Variants in CNTNAP5 observed in about 807,000 individuals in gnomAD.
The protein encoded by CNTNAP5 is contactin associated protein family member 5.
In CNTNAP5, 72 loss-of-function variants were observed where a neutral mutation model predicts 150.2. The ratio of observed to expected loss-of-function variants is 0.48; its 90% CI spans 0.40 to 0.58. CNTNAP5 has a LOEUF of 0.58. Ranked by LOEUF, CNTNAP5 falls within the 20% of genes least tolerant of loss-of-function variation. The pLI, the probability that CNTNAP5 is intolerant of heterozygous loss-of-function variation, is 0.00. For missense variants in CNTNAP5, 1,636 were observed against 1,626.2 expected, an observed-to-expected ratio of 1.01 and a Z score of -0.10; for synonymous variants, 672 against 619.8, an observed-to-expected ratio of 1.08 and a Z score of -1.25.
chr2:124,729,334 G>A (rs1205197573), intron 13 of CNTNAP5, among the ~76,000 whole-genome samples: 1 of 151,922 alleles, frequency 6.6e-6, no homozygotes, highest in African/African-American at 2.4e-5. Flanking sequence ...TTGCAAAAAA[G>A]TAGTTATTGT....
Position 124,918,840 on chromosome 2 carries a change from T to C in CNTNAP5, c.*4552T>C, listed in dbSNP as rs1678819128. 6.6e-6 allele frequency among the ~76,000 whole-genome samples: 1 copy of C among 152,148 alleles called. No individual in the cohort carries two copies. Among genetic ancestry groups the C allele is most frequent in the Non-Finnish European group, 1.5e-5 (1 of 67,990 alleles). ...TTCTGAAGATGGCAAAGGCGATTAA[T>C]GGAAGAAGATGCAGACAAACTCAAA... On this transcript the variant is annotated 3_prime_UTR_variant, in exon 24 of 24. Coordinates refer to ENST00000682447, the MANE Select transcript of CNTNAP5 (RefSeq NM_001367498.1).
chr2:124,772,730 C>T lies in CNTNAP5; in HGVS notation c.2534-69C>T, dbSNP rs1681230922. On this transcript the variant is annotated intron_variant, in intron 16 of 23. Coordinates refer to ENST00000682447, the MANE Select transcript of CNTNAP5 (RefSeq NM_001367498.1). ...GATACTGACTTACAATCGTTTCTCC[C>T]ACTCAAGCCTGTGCCTTGAATGAGC... The T allele has an allele frequency of 2.6e-6, 3 of 1,169,570 alleles. No homozygotes were observed. The South Asian group carries it at 3.7e-5, about 14-fold the overall frequency. The allele number at this position is 1,169,570 out of a possible 1,614,324, so 72.4% of individuals were successfully genotyped here. A position where few individuals can be genotyped will look rare whatever the true frequency, so the allele number is the denominator to read the frequency against.
At chr2:124,839,391 C>A (rs909028209) in intron 19 of CNTNAP5, among the ~76,000 whole-genome samples, 2 of 151,960 alleles carry the variant, frequency 1.3e-5, no homozygotes, top group Non-Finnish European at 2.9e-5. Flanking sequence ...TCAATGCACA[C>A]AATCTGCCAC....
chr2:124,077,483 A>G (rs1412597213), intron 1 of CNTNAP5, among the ~76,000 whole-genome samples: 1 of 152,116 alleles, frequency 6.6e-6, no homozygotes, highest in Non-Finnish European at 1.5e-5. Flanking sequence ...CAATCTGTCT[A>G]CCTGTGGCCC....
At chr2:124,425,213 A>G (rs1467848332) in intron 4 of CNTNAP5, among the ~76,000 whole-genome samples, 1 of 152,208 alleles carries the variant, frequency 6.6e-6, no homozygotes, top group Non-Finnish European at 1.5e-5. Flanking sequence ...AGAATCCTTA[A>G]CAAAGACTGT....
Position 124,417,598 on chromosome 2 carries a change from C to G in CNTNAP5, c.529+8C>G. The stretch of plus-strand genomic sequence containing the variant: ...TCTACGGATGTTCCTATAGTAAGTA[C>G]TCACATGTACCCTTTACCATTGCTG... On this transcript the variant is annotated splice_region_variant and intron_variant, in intron 4 of 23. Coordinates refer to ENST00000682447, the MANE Select transcript of CNTNAP5 (RefSeq NM_001367498.1). The G allele has an allele frequency of 6.2e-7, 1 of 1,611,472 alleles. No individual in the cohort carries two copies. The highest frequency in any genetic ancestry group is 1.1e-5 in the South Asian group (1 of 90,470).
intron 1 of CNTNAP5, among the ~76,000 whole-genome samples, chr2:124,159,261 G>A (rs543132194): frequency 2.0e-5 from 3 of 152,202 alleles, no homozygotes; most frequent in South Asian, 4.1e-4. Flanking sequence ...TTGAAGCTTT[G>A]GAAGTATTCT....
At chr2:124,098,487 T>C (rs1183656913) in intron 1 of CNTNAP5, among the ~76,000 whole-genome samples, 5 of 152,196 alleles carry the variant, frequency 3.3e-5, no homozygotes, top group African/African-American at 1.2e-4. Flanking sequence ...TAACAGCTAA[T>C]TGCTTTACTG....
chr2:124,199,518 C>T (rs756026832), intron 1 of CNTNAP5, among the ~76,000 whole-genome samples: 159 of 147,378 alleles, frequency 1.1e-3, no homozygotes, highest in South Asian at 1.7e-3. Context: ...CAGGTTCAAG[C>T]GATTCTCCTG....
intron 19 of CNTNAP5, among the ~76,000 whole-genome samples, chr2:124,851,245 A>G (rs552171437): frequency 2.2e-4 from 34 of 152,254 alleles, no homozygotes; most frequent in Non-Finnish European, 4.0e-4. Flanking sequence ...AATCCCAGCT[A>G]CTAGGGAGGC....
At chr2:124,891,679 G>A (rs1678197425) in intron 21 of CNTNAP5, among the ~76,000 whole-genome samples, 1 of 152,146 alleles carries the variant, frequency 6.6e-6, no homozygotes, top group South Asian at 2.1e-4. Context: ...GTGTAGAGAA[G>A]AAGAAAGTTT....
intron 8 of CNTNAP5, among the ~76,000 whole-genome samples, chr2:124,510,487 A>G (rs1265369512): frequency 7.7e-4 from 19 of 24,542 alleles, no homozygotes; most frequent in Admixed American, 3.1e-3. Context: ...GTATATATAT[A>G]TATATATATA....
chr2:124,771,065 T>C (rs999429936), intron 16 of CNTNAP5, among the ~76,000 whole-genome samples: 2 of 152,192 alleles, frequency 1.3e-5, no homozygotes, highest in Non-Finnish European at 2.9e-5. Context: ...AGCTCTCAGA[T>C]ACTCAAAATT....
chr2:124,253,403 T>C (rs576175557), intron 3 of CNTNAP5, among the ~76,000 whole-genome samples: 264 of 152,334 alleles, frequency 1.7e-3, no homozygotes, highest in Non-Finnish European at 3.1e-3. Flanking sequence ...TCTTCTTATC[T>C]ATAAATTTTG....
intron 11 of CNTNAP5, among the ~76,000 whole-genome samples, chr2:124,600,731 CAGAGAGAG>C (rs374118230): frequency 1.5e-3 from 185 of 124,152 alleles, no homozygotes; most frequent in Middle Eastern, 4.1e-3. Context: ...CAACAATACT[CAGAGAGAG>C]AGAGAGAGAG....
chr2:124,547,626 G>T (rs1695543616), intron 10 of CNTNAP5, among the ~76,000 whole-genome samples: 1 of 152,172 alleles, frequency 6.6e-6, no homozygotes, highest in Non-Finnish European at 1.5e-5. Flanking sequence ...CAAGAGTTCT[G>T]TATTCTTGCG....
At chr2:124,581,536 G>A (rs1362466937) in intron 11 of CNTNAP5, among the ~76,000 whole-genome samples, 3 of 152,172 alleles carry the variant, frequency 2.0e-5, no homozygotes, top group African/African-American at 4.8e-5. Context: ...TATTGGTAAA[G>A]GTTAGACAGA....
intron 19 of CNTNAP5, among the ~76,000 whole-genome samples, chr2:124,810,004 T>C (rs1682173210): frequency 6.6e-6 from 1 of 152,160 alleles, no homozygotes; most frequent in Non-Finnish European, 1.5e-5. Flanking sequence ...CATTTGCAGA[T>C]AGTGGAAAAA....
chr2:124,721,558 G>A (rs1371218467), intron 13 of CNTNAP5, among the ~76,000 whole-genome samples: 1 of 150,218 alleles, frequency 6.7e-6, no homozygotes, highest in Non-Finnish European at 1.5e-5. Context: ...ATTAAATATA[G>A]GGTGTCAGAA....
Sources: gnomAD v4.1 joint callset for allele counts (sites outside exome capture counted in the v4.1 genomes callset) on GRCh38, gnomAD v4.1.1 for gene constraint, MANE v1.5 for transcripts, NCBI Gene and HGNC (gene_info 2026-07-23, HGNC 2026-07-21) for gene names.